Variants in SMAGP observed in about 807,000 individuals in gnomAD.
SMAGP encodes the protein small cell adhesion glycoprotein, also known as small cell transmembrane and glycosylated protein.
SMAGP carries 7 observed loss-of-function variants against 10.1 expected under a neutral mutation model. The ratio of observed to expected loss-of-function variants is 0.70; its 90% confidence interval spans 0.40 to 1.31. SMAGP has a LOEUF of 1.31. Among genes scored for constraint, SMAGP ranks in the 50% most tolerant of loss-of-function variants. The pLI, the probability that SMAGP is intolerant of heterozygous loss-of-function variation, is 0.01. For synonymous variants in SMAGP, 49 were observed against 47.2 expected, an observed-to-expected ratio of 1.04 and a Z score of -0.16; for missense variants, 113 against 116.5, an observed-to-expected ratio of 0.97 and a Z score of 0.14.
chr12:51,269,080 T>C (rs1318662035), intron 2 of SMAGP, among the ~76,000 whole-genome samples, 165 bp downstream of exon 2: 1 of 152,182 alleles, frequency 6.6e-6, no homozygotes, highest in Non-Finnish European at 1.5e-5. Flanking sequence ...AAAACCGTAC[T>C]AAGGGGCACA....
chr12:51,253,612 C>CA (rs1010536512), intron 2 of SMAGP: 1 of 151,570 alleles, frequency 6.6e-6, no homozygotes, highest in Non-Finnish European at 1.5e-5. Flanking sequence ...AAACAAAAAA[C>CA]AAAAAAGGAA....
At chr12:51,256,077 T>C (rs965325488) in intron 2 of SMAGP, among the ~76,000 whole-genome samples, 1 of 152,142 alleles carries the variant, frequency 6.6e-6, no homozygotes, top group African/African-American at 2.4e-5. Context: ...AACCCCTTTT[T>C]CTAATTTCCA....
intron 2 of SMAGP, chr12:51,253,429 A>G (rs937315265): frequency 6.6e-6 from 1 of 152,194 alleles, no homozygotes; most frequent in East Asian, 1.9e-4. Flanking sequence ...ACTTCTAGGT[A>G]TATACCCAAA....
At chr12:51,248,265 A>G (rs1258821177) in intron 2 of SMAGP, among the ~76,000 whole-genome samples, 1 of 151,960 alleles carries the variant, frequency 6.6e-6, no homozygotes, top group Non-Finnish European at 1.5e-5. Context: ...GCAATACAGA[A>G]AGCAGAGGCA....
chr12:51,268,207 T>C (rs796889508), intron 2 of SMAGP, among the ~76,000 whole-genome samples: 6 of 152,212 alleles, frequency 3.9e-5, no homozygotes, highest in African/African-American at 1.4e-4. Flanking sequence ...GCAAAATCAC[T>C]TTCAAGGGAA....
At chr12:51,252,927 C>A (rs1212905544) in intron 2 of SMAGP, among the ~76,000 whole-genome samples, 1 of 152,076 alleles carries the variant, frequency 6.6e-6, no homozygotes, top group Non-Finnish European at 1.5e-5. Context: ...CCAGACTAAT[C>A]TAAAAGGGAC....
At position 51,270,405 on chromosome 12, in the gene SMAGP, T is replaced by A. The variant is rs1224724201; in HGVS notation, c.-188A>T. On this transcript the variant is annotated 5_prime_UTR_variant, in exon 1 of 4. Coordinates refer to ENST00000603798, the MANE Select transcript of SMAGP (RefSeq NM_001031628.2). ...AGGAAGCCGCGGGTGGCGCGCGGGG[T>A]TGGCGCAGAGGCCGGAGGGGGTGGG... is the stretch of plus-strand genomic sequence containing the variant. The A allele has an allele frequency of 4.2e-6, 1 of 237,330 alleles. No individual in the cohort carries two copies. The allele number at this position is 237,330 out of a possible 1,614,324, so 14.7% of individuals were successfully genotyped here.
intron 2 of SMAGP, among the ~76,000 whole-genome samples, chr12:51,262,016 T>C (rs1302075455): frequency 6.6e-5 from 10 of 151,938 alleles, no homozygotes; most frequent in East Asian, 5.8e-4. Context: ...GGTGGGAGGA[T>C]TGCTTGAGGC....
At chr12:51,255,912 C>T (rs1381440438) in intron 2 of SMAGP, among the ~76,000 whole-genome samples, 2 of 152,156 alleles carry the variant, frequency 1.3e-5, no homozygotes, top group Non-Finnish European at 2.9e-5. Flanking sequence ...GCTGGGATTA[C>T]AGGCATGCAC....
At chr12:51,260,679 A>AT (rs1162152346) in intron 2 of SMAGP, among the ~76,000 whole-genome samples, 1,968 of 78,334 alleles carry the variant, frequency 0.025, 19 homozygotes, top group African/African-American at 0.032. Context: ...CGCCCGGCCA[A>AT]TTTTTTTTTT....
Position 51,264,139 on chromosome 12 carries a change from G to A in SMAGP, c.34+5106C>T, listed in dbSNP as rs1592237359. On this transcript the variant is annotated intron_variant, in intron 2 of 3. Transcript: ENST00000603798. ...ATAGACTGTGAGGGAGGAATAGGTGGGAAGGTGGGGGAAGAGAAATGCAAG... is the reference window on the plus strand; with the variant it reads ...ATAGACTGTGAGGGAGGAATAGGTGAGAAGGTGGGGGAAGAGAAATGCAAG... Among the ~76,000 whole-genome samples the A allele has an allele frequency of 2.0e-5, 3 of 152,228 alleles. No homozygotes were observed. The East Asian group carries it at 5.8e-4, about 29-fold the overall frequency.
intron 2 of SMAGP, among the ~76,000 whole-genome samples, chr12:51,249,343 G>A (rs567148538): frequency 6.6e-6 from 1 of 152,292 alleles, no homozygotes; most frequent in East Asian, 1.9e-4. Context: ...CTTGAAGCTG[G>A]TTGGTCACAA....
At position 51,269,267 on chromosome 12, in the gene SMAGP, G is replaced by C. The variant is rs368790592; in HGVS notation, c.12C>G (p.Leu4=). MTS[L]LTTPSPREEL... is the part of the protein sequence containing the mutation. Reference sequence around the variant, plus strand: ...TACCTCTTGGAGAAGGAGTAGTCAGGAGGCTGGTCATTGTCACTAGTGGTT... The same window carrying C: ...TACCTCTTGGAGAAGGAGTAGTCAGCAGGCTGGTCATTGTCACTAGTGGTT... The change falls in exon 2 of 4, where the codon CTC becomes CTG. Residue 4 remains leucine, a synonymous_variant. Transcript: ENST00000603798. The C allele has an allele frequency of 6.2e-7, 1 of 1,613,974 alleles. No individual in the cohort carries two copies. The highest frequency in any genetic ancestry group is 1.1e-5 in the South Asian group (1 of 91,080).
At chr12:51,263,582 A>C (rs1368752634) in intron 2 of SMAGP, among the ~76,000 whole-genome samples, 1 of 152,156 alleles carries the variant, frequency 6.6e-6, no homozygotes, top group Non-Finnish European at 1.5e-5. Flanking sequence ...GTAAGACCTT[A>C]TTTCTACAAA....
At chr12:51,261,574 AGAAG>A (rs1944932729) in intron 2 of SMAGP, among the ~76,000 whole-genome samples, 1 of 152,210 alleles carries the variant, frequency 6.6e-6, no homozygotes, top group Non-Finnish European at 1.5e-5. Context: ...TCTCCCCAAC[AGAAG>A]GAAGAGCAAA....
chr12:51,264,029 A>G (rs1260459195), intron 2 of SMAGP, among the ~76,000 whole-genome samples: 1 of 152,146 alleles, frequency 6.6e-6, no homozygotes, highest in Non-Finnish European at 1.5e-5. Context: ...GGAGCCCACA[A>G]AGACAGAAGT....
intron 2 of SMAGP, among the ~76,000 whole-genome samples, chr12:51,265,801 TC>T (rs532700394): frequency 6.7e-4 from 101 of 151,876 alleles, no homozygotes; most frequent in African/African-American, 2.4e-3. Context: ...AATACAGTAG[TC>T]CCCCCAGGCC....
chr12:51,244,820 C>CTT lies in SMAGP; in HGVS notation c.*1119_*1120dup, dbSNP rs5798164. ...TTGAACCAACTCATCTCCCAGGGTA[C>CTT]TTTTTTTTTTTTTTTTTTTTTTGAG... On this transcript the variant is annotated 3_prime_UTR_variant, in exon 4 of 4. Coordinates refer to ENST00000603798, the MANE Select transcript of SMAGP (RefSeq NM_001031628.2). 10,978 of 91,922 alleles carry CTT rather than the reference C, an allele frequency of 0.12. 1,332 individuals are homozygous for CTT. The highest frequency in any genetic ancestry group is 0.33 in the East Asian group (945 of 2,834). 5.7% of individuals were successfully genotyped at this position (91,922 alleles called of 1,614,324 possible).
chr12:51,257,946 T>C (rs1024021302), intron 2 of SMAGP, among the ~76,000 whole-genome samples: 2 of 152,066 alleles, frequency 1.3e-5, no homozygotes, highest in Non-Finnish European at 2.9e-5. Flanking sequence ...GGTCAGGAGT[T>C]TGAGATCAGG....
Sources: allele counts gnomAD v4.1 joint callset (sites outside exome capture counted in the v4.1 genomes callset), GRCh38; gene constraint gnomAD v4.1.1; transcripts MANE v1.5; gene names NCBI Gene and HGNC (gene_info 2026-07-23, HGNC 2026-07-21).